SUMF1: variants seen among roughly 807,000 people sequenced by gnomAD.
SUMF1 encodes the protein formylglycine-generating enzyme.
Under a neutral mutation model 47.6 loss-of-function variants are expected in SUMF1, and 48 were observed. The ratio of observed to expected loss-of-function variants is 1.01; its 90% CI spans 0.80 to 1.28. The LOEUF (loss-of-function observed/expected upper bound fraction) is 1.28. Ranked by LOEUF, SUMF1 falls within the 50% of genes most tolerant of loss-of-function variation. The pLI is 0.00. For synonymous variants in SUMF1, 230 were observed against 192.1 expected (o/e 1.20, Z -1.63); for missense variants, 571 against 485.4 (o/e 1.18, Z -1.66).
intron 8 of SUMF1, among the ~76,000 whole-genome samples, chr3:4,344,525 C>A (rs1440609470): frequency 6.6e-6 from 1 of 152,190 alleles, no homozygotes; most frequent in Non-Finnish European, 1.5e-5. Context: ...AAAGCCCCAT[C>A]CAAGGGTCAG....
At chr3:4,052,671 G>A (rs2125023933) in intron 9 of SUMF1, among the ~76,000 whole-genome samples, 1 of 152,188 alleles carries the variant, frequency 6.6e-6, no homozygotes, top group Middle Eastern at 3.4e-3. Flanking sequence ...TACTGTTTTT[G>A]TCCACATAAT....
In SUMF1 at chr3:4,204,362, C is replaced by A. The variant is rs1695606160; in HGVS notation, c.1015-135617G>T. 2.6e-5 allele frequency among the ~76,000 whole-genome samples: 4 copies of A among 152,112 alleles called. No homozygotes were observed. The South Asian group carries it at 8.3e-4, about 32-fold the overall frequency. ...AAGTCTGCTGCCAGACATATTGGAG[C>A]TCCTTTATATGTTGTTTGTTTTCTC... is the stretch of plus-strand genomic sequence containing the variant. On this transcript the variant is annotated intron_variant and NMD_transcript_variant, in intron 8 of 12. Transcript: ENST00000448413.
At chr3:4,223,140 A>G (rs1351091682) in intron 8 of SUMF1, among the ~76,000 whole-genome samples, 1 of 152,114 alleles carries the variant, frequency 6.6e-6, no homozygotes, top group African/African-American at 2.4e-5. Context: ...TGACAAATAG[A>G]ATAGCTTTTA....
chr3:4,072,043 C>T (rs1695539545), intron 8 of SUMF1, among the ~76,000 whole-genome samples: 1 of 152,158 alleles, frequency 6.6e-6, no homozygotes, highest in African/African-American at 2.4e-5. Context: ...TACAAGAGAG[C>T]ACTGCTTGGC....
rs533961763 is a variant in SUMF1, at chr3:4,043,823, CT to C, written c.1191+24745del. On this transcript the variant is annotated intron_variant and NMD_transcript_variant, in intron 9 of 12. Transcript: ENST00000448413. ...TTCAACTCTAAATTTGTAAACTATT[CT>C]TTTTTTTAAGGTAGTTCTGCCTAAA... is the stretch of plus-strand genomic sequence containing the variant. Among the ~76,000 whole-genome samples the C allele has an allele frequency of 2.4e-4, 36 of 152,076 alleles. 1 individual carries two copies. In the South Asian group the frequency reaches 6.6e-3, roughly 28 times the overall value.
intron 9 of SUMF1, among the ~76,000 whole-genome samples, chr3:4,043,818 C>T (rs1224080563): frequency 6.6e-6 from 1 of 152,088 alleles, no homozygotes; most frequent in Non-Finnish European, 1.5e-5. Context: ...AATTTGTAAA[C>T]TATTCTTTTT....
chr3:4,253,028 T>C (rs974355201), intron 8 of SUMF1, among the ~76,000 whole-genome samples: 1 of 152,236 alleles, frequency 6.6e-6, no homozygotes, highest in Non-Finnish European at 1.5e-5. Context: ...CTTTATTATG[T>C]GTTTTTCCAT....
At chr3:4,250,265 A>G in intron 8 of SUMF1, among the ~76,000 whole-genome samples, 1 of 136,508 alleles carries the variant, frequency 7.3e-6, no homozygotes. Flanking sequence ...GAAAAGGGAA[A>G]GAGGGGGAAA....
intron 3 of SUMF1, among the ~76,000 whole-genome samples, chr3:4,423,107 G>A (rs868574613): frequency 2.0e-5 from 3 of 152,178 alleles, no homozygotes; most frequent in Non-Finnish European, 4.4e-5. Context: ...GGAACTAAAA[G>A]TAGAACTACC....
chr3:4,241,155 A>G (rs1436854332), intron 8 of SUMF1, among the ~76,000 whole-genome samples: 2 of 152,176 alleles, frequency 1.3e-5, no homozygotes, highest in African/African-American at 4.8e-5. Flanking sequence ...TGACAGAATT[A>G]TAGTCAGGAA....
chr3:4,159,983 C>T (rs138310828), intron 8 of SUMF1, among the ~76,000 whole-genome samples: 3 of 152,044 alleles, frequency 2.0e-5, no homozygotes, highest in African/African-American at 7.2e-5. Flanking sequence ...TTTTAGAATC[C>T]TTTCTTTATC....
intron 7 of SUMF1, among the ~76,000 whole-genome samples, chr3:4,396,996 C>G (rs1209758529): frequency 1.3e-5 from 2 of 152,140 alleles, no homozygotes; most frequent in Non-Finnish European, 2.9e-5. Flanking sequence ...ATTTCTGCAA[C>G]AAAGAAGAAA....
At chr3:4,238,065 A>C (rs911747394) in intron 8 of SUMF1, among the ~76,000 whole-genome samples, 11 of 152,046 alleles carry the variant, frequency 7.2e-5, no homozygotes, top group African/African-American at 2.7e-4. Context: ...TTTGCTGAGA[A>C]TGGTGGTTTC....
chr3:4,066,017 G>A (rs1382144853), intron 9 of SUMF1, among the ~76,000 whole-genome samples: 1 of 152,012 alleles, frequency 6.6e-6, no homozygotes, highest in Non-Finnish European at 1.5e-5. Context: ...AAACACAATT[G>A]GAACCAGAGC....
intron 7 of SUMF1, among the ~76,000 whole-genome samples, chr3:4,385,522 A>G (rs1700644298): frequency 6.6e-6 from 1 of 152,154 alleles, no homozygotes; most frequent in Non-Finnish European, 1.5e-5. Flanking sequence ...TTGTAAATAT[A>G]TGTGGCTTTT....
chr3:4,454,299 C>T (rs751480618), intron 1 of SUMF1, among the ~76,000 whole-genome samples: 1 of 152,180 alleles, frequency 6.6e-6, no homozygotes, highest in African/African-American at 2.4e-5. Flanking sequence ...CTGAGGATGA[C>T]ACTGAAAATT....
chr3:4,340,151 C>G (rs951306284), intron 8 of SUMF1, among the ~76,000 whole-genome samples: 1 of 152,024 alleles, frequency 6.6e-6, no homozygotes, highest in Non-Finnish European at 1.5e-5. Context: ...TGCTTGGCCC[C>G]AACTCCGGAG....
At chr3:4,458,271 C>T (rs2079718373) in intron 1 of SUMF1, among the ~76,000 whole-genome samples, 2 of 152,086 alleles carry the variant, frequency 1.3e-5, no homozygotes, top group Admixed American at 1.3e-4. Context: ...AACTCTACTG[C>T]AGTTGGTGAG....
At chr3:4,394,012 A>T (rs1700960746) in intron 7 of SUMF1, among the ~76,000 whole-genome samples, 1 of 152,230 alleles carries the variant, frequency 6.6e-6, no homozygotes, top group Non-Finnish European at 1.5e-5. Flanking sequence ...AAAAATGTTC[A>T]TGAGATAATT....
Sources: gnomAD v4.1 joint callset for allele counts (sites outside exome capture counted in the v4.1 genomes callset) on GRCh38, gnomAD v4.1.1 for gene constraint, MANE v1.5 for transcripts, NCBI Gene and HGNC (gene_info 2026-07-23, HGNC 2026-07-21) for gene names.